Variants in GAK observed in about 807,000 individuals in gnomAD.
The protein encoded by GAK is cyclin G associated kinase, also known as cyclin-G-associated kinase.
Under a neutral mutation model 143.9 loss-of-function variants are expected in GAK, and 79 were observed. That is an observed-to-expected ratio of 0.55 (90% CI 0.46 to 0.66). GAK has a LOEUF of 0.66. Ranked by LOEUF, GAK falls within the 30% of genes least tolerant of loss-of-function variation. GAK has a pLI of 0.00. For missense variants in GAK, 1,693 were observed against 1,779.7 expected, an observed-to-expected ratio of 0.95 and a Z score of 0.88; for synonymous variants, 881 against 765.5, an observed-to-expected ratio of 1.15 and a Z score of -2.49.
chr4:866,036 TGCAGGTGGCCTTCTCTGCTAACA>T (rs1246745283), intron 22 of GAK, among the ~76,000 whole-genome samples: 5 of 152,244 alleles, frequency 3.3e-5, no homozygotes, highest in African/African-American at 7.2e-5. Flanking sequence ...AAGCTCTGGG[TGCAGGTGGCCTTCTCTGCTAACA>T]GCTGCAAGGC....
At chr4:901,251 C>A (rs754691919) in intron 5 of GAK, among the ~76,000 whole-genome samples, 6 of 152,166 alleles carry the variant, frequency 3.9e-5, no homozygotes, top group Non-Finnish European at 7.4e-5. Flanking sequence ...ACGGCTTAGG[C>A]ACCCCCACCC....
intron 18 of GAK, 36 bp downstream of exon 18, chr4:876,494 G>A: frequency 1.9e-6 from 3 of 1,588,014 alleles, no homozygotes; most frequent in Non-Finnish European, 2.6e-6. Context: ...CAGGGCACCT[G>A]TCCCTCCCCA....
chr4:897,853 G>A, intron 6 of GAK, 180 bp downstream of exon 6: 3 of 575,936 alleles, frequency 5.2e-6, no homozygotes, highest in Non-Finnish European at 8.5e-6. Flanking sequence ...GGAGGCAGAG[G>A]CAGAAGAATC....
chr4:856,211 TCAC>T (rs1448369406), intron 24 of GAK, among the ~76,000 whole-genome samples: 10 of 135,744 alleles, frequency 7.4e-5, no homozygotes, highest in Non-Finnish European at 1.4e-4. Flanking sequence ...TCACACCTGC[TCAC>T]CACAGCTGCT....
rs1187127010 is a variant in GAK at position 932,159 on chromosome 4, A to G, written c.29T>C (p.Phe10Ser). MSLLQSALD[F>S]LAGPGSLGGA... is the part of the protein sequence containing the mutation. ...GCCCAGGGAGCCTGGACCCGCCAAG[A>G]AGTCGAGCGCCGACTGCAGCAGCGA... is the stretch of plus-strand genomic sequence containing the variant. Residue 10 changes from phenylalanine to serine, a missense_variant, in exon 1 of 28, where the codon TTC becomes TCC. Transcript: ENST00000314167. The surrounding 1 kb of genome is among the most constrained non-coding windows in gnomAD (Gnocchi z 4.0). The G allele has an allele frequency of 6.3e-7, 1 of 1,580,350 alleles. No homozygotes were observed. The highest frequency in any genetic ancestry group is 1.1e-5 in the South Asian group (1 of 87,118).
At chr4:883,843 C>T (rs971811563) in intron 12 of GAK, among the ~76,000 whole-genome samples, 194 bp downstream of exon 12, 1 of 152,236 alleles carries the variant, frequency 6.6e-6, no homozygotes, top group African/African-American at 2.4e-5. Flanking sequence ...TGGCGCTGAC[C>T]CTGTCCACTG....
At chr4:890,671 G>T in intron 9 of GAK, 49 bp from the exon 10 acceptor site, 1 of 1,502,730 alleles carries the variant, frequency 6.7e-7, no homozygotes, top group Non-Finnish European at 9.1e-7. Context: ...GACAACTCAC[G>T]CCTGCCCACG....
chr4:927,027 A>AACCCC lies in GAK; in HGVS notation c.145+5015_145+5016insGGGGT, dbSNP rs1248724811. Among the ~76,000 whole-genome samples, 71 of 13,264 alleles carry AACCCC rather than the reference A, an allele frequency of 5.4e-3. 2 individuals carry two copies. The highest frequency in any genetic ancestry group is 8.6e-3 in the Non-Finnish European group (60 of 6,940). The allele number at this position is 13,264 out of a possible 152,430, so 8.7% of individuals were successfully genotyped here. On this transcript the variant is annotated intron_variant, in intron 1 of 27. Coordinates refer to ENST00000314167, the MANE Select transcript of GAK (RefSeq NM_005255.4). ...TCACCAGCGCTCCGCACTGCCCCGC[A>AACCCC]CCCCTCCCCGCTCACCTGCGCTCCG... is the stretch of plus-strand genomic sequence containing the variant.
chr4:919,241 T>C (rs558295339), intron 1 of GAK, among the ~76,000 whole-genome samples: 72 of 148,828 alleles, frequency 4.8e-4, no homozygotes, highest in South Asian at 1.3e-3. Flanking sequence ...CAGCGCCCCA[T>C]GACCTTAGAA....
intron 3 of GAK, chr4:912,321 G>T: frequency 2.6e-6 from 1 of 377,922 alleles, no homozygotes; most frequent in Non-Finnish European, 5.4e-6. Flanking sequence ...TGCTGGGACA[G>T]CCTGAGAAGG....
At chr4:924,176 CAAAAAA>C (rs71640369) in intron 1 of GAK, among the ~76,000 whole-genome samples, 1 of 99,878 alleles carries the variant, frequency 1.0e-5, no homozygotes, top group Non-Finnish European at 1.9e-5. Context: ...GACTCCCTCT[CAAAAAA>C]AAAAAAAAAA....
intron 18 of GAK, among the ~76,000 whole-genome samples, chr4:875,257 CA>C (rs1208482649): frequency 2.6e-5 from 4 of 151,786 alleles, no homozygotes; most frequent in African/African-American, 9.7e-5. Flanking sequence ...TTTCTTCCTC[CA>C]AAGGAGGAAA....
chr4:854,260 G>C (rs1748742297), intron 24 of GAK, among the ~76,000 whole-genome samples: 1 of 151,944 alleles, frequency 6.6e-6, no homozygotes, highest in South Asian at 2.1e-4. Context: ...AGAGGACCCT[G>C]CGCTCTCGCC....
At chr4:849,834 A>AGGGGGGGG in intron 27 of GAK, 58 bp downstream of exon 27, 1 of 942,242 alleles carries the variant, frequency 1.1e-6, no homozygotes, top group Non-Finnish European at 1.6e-6. Flanking sequence ...GCGGGGCAGG[A>AGGGGGGGG]CCCCCCCCCC....
intron 22 of GAK, among the ~76,000 whole-genome samples, chr4:866,037 G>A (rs938359196): frequency 3.3e-5 from 5 of 152,244 alleles, no homozygotes; most frequent in African/African-American, 7.2e-5. Flanking sequence ...AGCTCTGGGT[G>A]CAGGTGGCCT....
intron 26 of GAK, chr4:850,680 C>T (rs933016470): frequency 2.0e-4 from 35 of 171,026 alleles, no homozygotes; most frequent in Admixed American, 1.1e-3. Flanking sequence ...CATCTGGGCA[C>T]GTGGGGAGCA....
chr4:876,562 C>A lies in GAK; in HGVS notation c.2022G>T (p.Val674=). ...MFQIQFHTGF[V]PRNATTVKFA... ...ATTTCACAGTGGTGGCGTTCCGAGG[C>A]ACAAACCCCGTGTGGAACTGAATCT... Residue 674 remains valine (V), a synonymous_variant, in exon 18 of 28, where the codon GTG becomes GTT. Coordinates refer to ENST00000314167, the MANE Select transcript of GAK (RefSeq NM_005255.4). 6.2e-7 allele frequency: 1 copy of A among 1,614,198 alleles called. No homozygotes were observed. Among genetic ancestry groups the A allele is most frequent in the Non-Finnish European group, 8.5e-7 (1 of 1,180,038 alleles).
At chr4:901,565 A>G (rs2152896786) in intron 5 of GAK, among the ~76,000 whole-genome samples, 1 of 152,332 alleles carries the variant, frequency 6.6e-6, no homozygotes, top group African/African-American at 2.4e-5. Flanking sequence ...ACAAGGATAC[A>G]GCTCCCACCT....
At chr4:896,359 A>C in intron 7 of GAK, 101 bp downstream of exon 7, 1 of 831,118 alleles carries the variant, frequency 1.2e-6, no homozygotes, top group East Asian at 2.5e-5. Flanking sequence ...GGGGTGGAGG[A>C]GGCAGGCCAG....
Sources: gnomAD v4.1 joint callset for allele counts (sites outside exome capture counted in the v4.1 genomes callset) on GRCh38, gnomAD v4.1.1 for gene constraint, Gnocchi (gnomAD v3.1) non-coding constraint, MANE v1.5 for transcripts, NCBI Gene and HGNC (gene_info 2026-07-23, HGNC 2026-07-21) for gene names.